GRIK2: variants seen among roughly 807,000 people sequenced by gnomAD.
GRIK2 encodes glutamate ionotropic receptor kainate type subunit 2, also known as glutamate receptor ionotropic, kainate 2.
Under a neutral mutation model 100.3 loss-of-function variants are expected in GRIK2, and 32 were observed. That is an observed-to-expected ratio of 0.32 (90% CI 0.24 to 0.43). GRIK2 has a LOEUF of 0.43. Among genes scored for constraint, GRIK2 ranks in the 20% least tolerant of loss-of-function variants. The probability of loss-of-function intolerance (pLI) is 1.00; values close to 1 mark genes in which losing one functional copy is unlikely to be tolerated. For missense variants in GRIK2, 843 were observed against 1,114.9 expected (o/e 0.76, Z 3.47); for synonymous variants, 417 against 389.4 (o/e 1.07, Z -0.83).
chr6:101,822,276 G>A (rs1782007561), intron 10 of GRIK2, among the ~76,000 whole-genome samples: 1 of 145,944 alleles, frequency 6.9e-6, no homozygotes, highest in African/African-American at 2.6e-5. Flanking sequence ...AGATATAAAA[G>A]AAAAGTAAAT....
chr6:101,815,866 T>C (rs1781601865), intron 9 of GRIK2, among the ~76,000 whole-genome samples: 2 of 152,152 alleles, frequency 1.3e-5, no homozygotes, highest in South Asian at 4.1e-4. Flanking sequence ...AATGTCATAA[T>C]ATTACGCTAA....
chr6:101,490,273 A>G lies in GRIK2; in HGVS notation c.115+90881A>G, dbSNP rs925587477. ...CTCATTTAGTTATCAACAGGGTCCT[A>G]TAAGTGGGAATACTAATACCTCCAG... On this transcript the variant is annotated intron_variant, in intron 2 of 16. Transcript: ENST00000369134. Among the ~76,000 whole-genome samples, 3 of 146,990 alleles carry G rather than the reference A, an allele frequency of 2.0e-5. 1 individual carries two copies. The highest frequency in any genetic ancestry group is 4.5e-5 in the Non-Finnish European group (3 of 66,730).
intron 14 of GRIK2, among the ~76,000 whole-genome samples, chr6:102,018,418 C>A (rs1361107213): frequency 1.3e-5 from 2 of 152,064 alleles, no homozygotes; most frequent in South Asian, 2.1e-4. Flanking sequence ...AAGAATTTCT[C>A]CTGAGGACTG....
At chr6:101,544,356 T>C (rs953060596) in intron 2 of GRIK2, among the ~76,000 whole-genome samples, 1 of 152,184 alleles carries the variant, frequency 6.6e-6, no homozygotes, top group African/African-American at 2.4e-5. Flanking sequence ...TTGTCACATG[T>C]CATCATTTAA....
intron 7 of GRIK2, among the ~76,000 whole-genome samples, chr6:101,745,458 G>A (rs903199788): frequency 6.6e-6 from 1 of 151,982 alleles, no homozygotes; most frequent in Non-Finnish European, 1.5e-5. Flanking sequence ...AAAAGCACCT[G>A]GCCAAGTTAT....
At chr6:101,931,198 A>T (rs1790262145) in intron 14 of GRIK2, among the ~76,000 whole-genome samples, 1 of 152,144 alleles carries the variant, frequency 6.6e-6, no homozygotes, top group Non-Finnish European at 1.5e-5. Flanking sequence ...TTTAAAAAAA[A>T]TTCTAGCAGT....
intron 7 of GRIK2, among the ~76,000 whole-genome samples, chr6:101,770,640 T>C (rs1778341829): frequency 1.3e-5 from 2 of 152,210 alleles, no homozygotes; most frequent in African/African-American, 2.4e-5. Flanking sequence ...TAAAAGGGCA[T>C]TGTAGAGTAT....
chr6:101,644,927 A>G (rs1039297937), intron 4 of GRIK2, among the ~76,000 whole-genome samples: 9 of 151,808 alleles, frequency 5.9e-5, no homozygotes, highest in Non-Finnish European at 1.5e-5. Flanking sequence ...TCAGTTTGTC[A>G]CATTTTCTTC....
At chr6:101,730,203 T>C (rs942516453) in intron 7 of GRIK2, among the ~76,000 whole-genome samples, 2 of 151,972 alleles carry the variant, frequency 1.3e-5, no homozygotes, top group Non-Finnish European at 2.9e-5. Flanking sequence ...TAATTTTCTG[T>C]AGAGAGCCCC....
rs141459214 is a variant in GRIK2, at chr6:101,408,308, G to A, written c.115+8916G>A. 5.3e-5 allele frequency among the ~76,000 whole-genome samples: 8 copies of A among 152,086 alleles called. No homozygotes were observed. In the East Asian group the frequency reaches 9.7e-4, roughly 18 times the overall value. ...AAGAAGTTCTTGAGCTCAGATCAAA[G>A]ATTATGTTAGTCAAAATTCTCCAGA... On this transcript the variant is annotated intron_variant, in intron 2 of 16. Coordinates refer to ENST00000369134, the MANE Select transcript of GRIK2 (RefSeq NM_021956.5).
At chr6:101,818,312 A>C in intron 9 of GRIK2, 58 bp from the exon 10 acceptor site, 1 of 893,556 alleles carries the variant, frequency 1.1e-6, no homozygotes, top group East Asian at 2.5e-5. Context: ...TTTCTTTTGC[A>C]GTACTCTCTA....
chr6:101,856,819 G>C (rs1334168426), intron 10 of GRIK2, among the ~76,000 whole-genome samples: 2 of 152,144 alleles, frequency 1.3e-5, no homozygotes, highest in South Asian at 4.1e-4. Flanking sequence ...ATGCGGAAGA[G>C]AGACTAGACT....
intron 12 of GRIK2, among the ~76,000 whole-genome samples, chr6:101,899,623 C>T (rs558253456): frequency 1.1e-3 from 173 of 152,114 alleles, no homozygotes; most frequent in Non-Finnish European, 2.2e-3. Flanking sequence ...TTTAACATTT[C>T]GCTTTCTCAT....
At chr6:101,403,097 C>G (rs1205685508) in intron 2 of GRIK2, among the ~76,000 whole-genome samples, 5 of 152,210 alleles carry the variant, frequency 3.3e-5, no homozygotes, top group Non-Finnish European at 7.3e-5. Context: ...GTTCACCGTT[C>G]GGGAGCCCTC....
intron 2 of GRIK2, among the ~76,000 whole-genome samples, chr6:101,573,191 G>C (rs945122040): frequency 6.6e-6 from 1 of 152,124 alleles, no homozygotes; most frequent in African/African-American, 2.4e-5. Flanking sequence ...GTGATGTCTG[G>C]TGGTGCTTAG....
At chr6:101,519,109 A>G (rs1310262003) in intron 2 of GRIK2, among the ~76,000 whole-genome samples, 2 of 152,170 alleles carry the variant, frequency 1.3e-5, no homozygotes, top group African/African-American at 4.8e-5. Flanking sequence ...ACTAAGAATA[A>G]TCTCGTCAGC....
chr6:101,849,725 G>A (rs778597917), intron 10 of GRIK2, among the ~76,000 whole-genome samples: 3 of 148,626 alleles, frequency 2.0e-5, no homozygotes, highest in South Asian at 2.1e-4. Flanking sequence ...TTCAATTGCC[G>A]TAATATTACT....
At chr6:102,006,390 A>ATATATTTTTTTTTTTTT (rs1315524835) in intron 14 of GRIK2, among the ~76,000 whole-genome samples, 4 of 114,104 alleles carry the variant, frequency 3.5e-5, no homozygotes, top group African/African-American at 1.8e-4. Flanking sequence ...ATATATATAT[A>ATATATTTTTTTTTTTTT]TTTTTTTTTT....
intron 7 of GRIK2, among the ~76,000 whole-genome samples, chr6:101,712,503 A>T (rs1378695204): frequency 1.3e-5 from 2 of 151,858 alleles, no homozygotes; most frequent in East Asian, 3.9e-4. Flanking sequence ...AATATTCATT[A>T]GTGTATTTAT....
Sources: allele counts gnomAD v4.1 joint callset (sites outside exome capture counted in the v4.1 genomes callset), GRCh38; gene constraint gnomAD v4.1.1; transcripts MANE v1.5; gene names NCBI Gene and HGNC (gene_info 2026-07-23, HGNC 2026-07-21).